The following TMEFF2 variants were observed in gnomAD, a reference collection of about 807,000 sequenced individuals.
The protein encoded by TMEFF2 is transmembrane protein with EGF like and two follistatin like domains 2, also known as tomoregulin-2.
TMEFF2 carries 28 observed loss-of-function variants against 53.8 expected under a neutral mutation model. That is an observed-to-expected ratio of 0.52 (90% CI 0.39 to 0.71). TMEFF2 has a LOEUF of 0.71. TMEFF2 is among the 30% of genes least tolerant of loss of function. The pLI is 0.00. For synonymous variants in TMEFF2, 162 were observed against 166.3 expected (o/e 0.97, Z 0.20); for missense variants, 353 against 455.2 (o/e 0.78, Z 2.04).
chr2:192,044,919 A>G (rs1687578233), intron 5 of TMEFF2, among the ~76,000 whole-genome samples: 1 of 152,228 alleles, frequency 6.6e-6, no homozygotes, highest in East Asian at 1.9e-4. Flanking sequence ...GAAGTTGGGC[A>G]TGCACAGCAG....
intron 4 of TMEFF2, among the ~76,000 whole-genome samples, chr2:192,165,909 A>T (rs1690753671): frequency 6.6e-6 from 1 of 152,186 alleles, no homozygotes; most frequent in Non-Finnish European, 1.5e-5. Context: ...AATTTAGAAA[A>T]AATTCAGAAT....
chr2:191,973,487 ATATATT>A (rs1208316360), intron 7 of TMEFF2, among the ~76,000 whole-genome samples: 3 of 152,110 alleles, frequency 2.0e-5, no homozygotes, highest in Non-Finnish European at 4.4e-5. Context: ...ATGCATACAT[ATATATT>A]TATGTGTTTG....
At position 192,184,426 on chromosome 2, in the gene TMEFF2, A is replaced by C; in HGVS notation, c.340T>G (p.Cys114Gly). The stretch of plus-strand genomic sequence containing the variant: ...TTGCATGCAGCCTGTCGCAGGTAAC[A>C]CTCATTCTGGTAGCTCTCCCCATTG... ...GSNGESYQNE[C>G]YLRQAACKQQ... Residue 114 changes from cysteine to glycine, a missense_variant, in exon 3 of 10, where the codon TGT becomes GGT. By Grantham distance (159) the Cys-to-Gly change is radical. Transcript: ENST00000272771. The C allele has an allele frequency of 2.5e-6, 4 of 1,613,378 alleles. No individual in the cohort carries two copies. The highest frequency in any genetic ancestry group is 3.4e-6 in the Non-Finnish European group (4 of 1,179,532).
At chr2:192,067,522 A>C (rs1030876351) in intron 4 of TMEFF2, among the ~76,000 whole-genome samples, 1 of 151,884 alleles carries the variant, frequency 6.6e-6, no homozygotes, top group African/African-American at 2.4e-5. Flanking sequence ...ATGTGAATAA[A>C]GGAAGACCTA....
chr2:192,175,123 C>T (rs1691006582), intron 4 of TMEFF2, among the ~76,000 whole-genome samples: 1 of 151,588 alleles, frequency 6.6e-6, no homozygotes, highest in African/African-American at 2.4e-5. Context: ...GTGTCATATT[C>T]ATCTTTACAG....
intron 7 of TMEFF2, among the ~76,000 whole-genome samples, chr2:191,983,829 GT>G (rs1266619703): frequency 6.6e-6 from 1 of 152,206 alleles, no homozygotes; most frequent in African/African-American, 2.4e-5. Context: ...TTCATTTCAA[GT>G]TTTTAGAGAC....
intron 5 of TMEFF2, among the ~76,000 whole-genome samples, chr2:192,033,225 A>G (rs1049895819): frequency 2.0e-5 from 3 of 152,222 alleles, no homozygotes; most frequent in African/African-American, 4.8e-5. Context: ...AAATCAGTAT[A>G]AATAATAAAT....
chr2:191,988,846 AT>A (rs1403269238), intron 7 of TMEFF2, among the ~76,000 whole-genome samples: 1 of 152,136 alleles, frequency 6.6e-6, no homozygotes, highest in African/African-American at 2.4e-5. Flanking sequence ...TTACAGGAAC[AT>A]TACGTAACGC....
At chr2:192,062,968 GTT>G (rs58620145) in intron 4 of TMEFF2, among the ~76,000 whole-genome samples, 131,309 of 151,086 alleles carry the variant, frequency 0.87, 58,561 homozygotes, top group Non-Finnish European at 0.97. Context: ...GTCCGGGAGT[GTT>G]TTTTTTTTTT....
At chr2:192,188,376 A>G (rs1691368364) in intron 2 of TMEFF2, among the ~76,000 whole-genome samples, 1 of 152,200 alleles carries the variant, frequency 6.6e-6, no homozygotes, top group South Asian at 2.1e-4. Context: ...AAAGAGATCA[A>G]CATGGAGAAG....
chr2:192,162,611 G>A (rs1024094046), intron 4 of TMEFF2, among the ~76,000 whole-genome samples: 3 of 152,036 alleles, frequency 2.0e-5, no homozygotes, highest in African/African-American at 7.2e-5. Flanking sequence ...GGTATGATAT[G>A]AGCGCCCCCT....
chr2:192,193,749 G>T (rs1029259634), intron 1 of TMEFF2, among the ~76,000 whole-genome samples: 16 of 42,078 alleles, frequency 3.8e-4, no homozygotes, highest in Admixed American at 1.1e-3. Context: ...GAGAGAGAGA[G>T]AGATAGATAG....
intron 4 of TMEFF2, among the ~76,000 whole-genome samples, chr2:192,164,726 CAA>C (rs34648660): frequency 0.01 from 1,389 of 133,636 alleles, 7 homozygotes; most frequent in African/African-American, 0.022. Flanking sequence ...GACTTCGTCT[CAA>C]AAAAAAAAAA....
intron 4 of TMEFF2, among the ~76,000 whole-genome samples, chr2:192,141,466 A>G (rs1264867078): frequency 6.6e-6 from 1 of 151,806 alleles, no homozygotes; most frequent in Non-Finnish European, 1.5e-5. Flanking sequence ...AAAGAAAAAA[A>G]AAAAAAAAAA....
chr2:191,953,868 T>G, intron 8 of TMEFF2, 31 bp from the exon 9 acceptor site: 1 of 1,492,774 alleles, frequency 6.7e-7, no homozygotes, highest in Non-Finnish European at 9.1e-7. Flanking sequence ...CAGTTACCTG[T>G]AGGGTGCTGC....
At chr2:192,120,853 C>T (rs539142812) in intron 4 of TMEFF2, among the ~76,000 whole-genome samples, 2 of 152,142 alleles carry the variant, frequency 1.3e-5, no homozygotes, top group African/African-American at 4.8e-5. Context: ...TCTCTTGCCT[C>T]AGCCTCCCGA....
chr2:192,037,285 G>T (rs1287329338), intron 5 of TMEFF2, among the ~76,000 whole-genome samples: 4 of 124,056 alleles, frequency 3.2e-5, no homozygotes, highest in East Asian at 2.2e-4. Flanking sequence ...AAGAAAGAAA[G>T]AAAGAAAGAA....
intron 4 of TMEFF2, among the ~76,000 whole-genome samples, chr2:192,093,918 G>A (rs1331523103): frequency 6.6e-6 from 1 of 152,102 alleles, no homozygotes; most frequent in Non-Finnish European, 1.5e-5. Flanking sequence ...AGAAACTTGC[G>A]TTTTCATCTA....
chr2:192,176,777 T>G (rs1691054938), intron 4 of TMEFF2: 1 of 151,276 alleles, frequency 6.6e-6, no homozygotes, highest in African/African-American at 2.4e-5. Flanking sequence ...AAATTATTTT[T>G]AGAATAATCA....
Sources: allele counts gnomAD v4.1 joint callset (sites outside exome capture counted in the v4.1 genomes callset), GRCh38; gene constraint gnomAD v4.1.1; transcripts MANE v1.5; gene names NCBI Gene and HGNC (gene_info 2026-07-23, HGNC 2026-07-21).